PACRG: variants seen among roughly 807,000 people sequenced by gnomAD.
PACRG encodes the protein parkin coregulated, also known as parkin coregulated gene protein.
Under a neutral mutation model 29.7 loss-of-function variants are expected in PACRG, and 29 were observed. The ratio of observed to expected loss-of-function variants is 0.98; its 90% CI spans 0.73 to 1.33. The LOEUF is 1.33. Among genes scored for constraint, PACRG ranks in the 40% most tolerant of loss-of-function variants. PACRG has a pLI of 0.00. For synonymous variants in PACRG, 116 were observed against 118.7 expected (o/e 0.98, Z 0.15); for missense variants, 279 against 316.2 (o/e 0.88, Z 0.89).
intron 1 of PACRG, among the ~76,000 whole-genome samples, chr6:162,741,494 G>A (rs779896562): frequency 6.6e-6 from 1 of 152,028 alleles, no homozygotes; most frequent in Non-Finnish European, 1.5e-5. Flanking sequence ...CTCCATACAT[G>A]TTTGTGAGGA....
intron 2 of PACRG, among the ~76,000 whole-genome samples, chr6:162,969,327 TATC>T (rs1036035453): frequency 3.3e-5 from 5 of 152,098 alleles, no homozygotes; most frequent in African/African-American, 1.2e-4. Flanking sequence ...CCTTTGATGT[TATC>T]ATCTCCAAAC....
At chr6:162,890,072 G>C (rs935656389) in intron 2 of PACRG, among the ~76,000 whole-genome samples, 1 of 152,216 alleles carries the variant, frequency 6.6e-6, no homozygotes, top group South Asian at 2.1e-4. Flanking sequence ...TAAGAACTCA[G>C]GCCAGTTAAA....
chr6:163,249,900 G>T (rs539043954), intron 4 of PACRG, among the ~76,000 whole-genome samples: 1 of 152,164 alleles, frequency 6.6e-6, no homozygotes, highest in Admixed American at 6.5e-5. Flanking sequence ...GGGAAGTGAC[G>T]CCAGCTGGCC....
intron 2 of PACRG, among the ~76,000 whole-genome samples, chr6:162,980,208 A>C (rs1191430887): frequency 1.3e-5 from 2 of 151,910 alleles, no homozygotes; most frequent in African/African-American, 4.8e-5. Context: ...ACACATTTTC[A>C]GTGTAATAAT....
At chr6:163,188,609 G>A (rs1372800003) in intron 4 of PACRG, among the ~76,000 whole-genome samples, 1 of 152,196 alleles carries the variant, frequency 6.6e-6, no homozygotes, top group Non-Finnish European at 1.5e-5. Context: ...GAAAGGTGAA[G>A]ACTCTTTGAT....
At chr6:163,239,968 ATCG>A (rs1278324162) in intron 4 of PACRG, among the ~76,000 whole-genome samples, 1 of 123,806 alleles carries the variant, frequency 8.1e-6, no homozygotes, top group Non-Finnish European at 1.7e-5. Context: ...TCACACTCCC[ATCG>A]TCACATACAC....
At chr6:162,945,137 G>T (rs904564983) in intron 2 of PACRG, among the ~76,000 whole-genome samples, 5 of 152,042 alleles carry the variant, frequency 3.3e-5, no homozygotes, top group Non-Finnish European at 7.4e-5. Flanking sequence ...TTAATAAAGT[G>T]ACAGCAATAA....
chr6:163,210,004 G>A (rs745433859), intron 4 of PACRG, among the ~76,000 whole-genome samples: 21 of 152,118 alleles, frequency 1.4e-4, no homozygotes, highest in African/African-American at 3.6e-4. Context: ...CGCCTGTTGG[G>A]GGACCTCAGT....
At chr6:162,943,877 A>G (rs1443354103) in intron 2 of PACRG, among the ~76,000 whole-genome samples, 2 of 151,842 alleles carry the variant, frequency 1.3e-5, no homozygotes, top group African/African-American at 2.4e-5. Context: ...CCCAGCATGG[A>G]CCACTTGGAA....
At position 162,947,342 on chromosome 6, in the gene PACRG, A is replaced by ATCATAT. The variant is rs1388762226; in HGVS notation, c.292-114808_292-114807insTCATAT. Among the ~76,000 whole-genome samples the ATCATAT allele has an allele frequency of 9.7e-3, 129 of 13,362 alleles. 11 individuals carry two copies. The highest frequency in any genetic ancestry group is 0.011 in the African/African-American group (95 of 8,378). 8.8% of individuals were successfully genotyped at this position (13,362 alleles called of 152,430 possible). On this transcript the variant is annotated intron_variant, in intron 2 of 4. Coordinates refer to ENST00000366888, the MANE Select transcript of PACRG (RefSeq NM_001080379.2). ...ATATAATACATATAATCATATATAT[A>ATCATAT]ATGATTACATATATATAATGTAATC...
intron 2 of PACRG, among the ~76,000 whole-genome samples, chr6:162,916,611 T>C (rs528317148): frequency 1.3e-5 from 2 of 152,320 alleles, no homozygotes; most frequent in South Asian, 4.1e-4. Context: ...ACAAGCCATG[T>C]TCTATTGTGA....
chr6:162,783,619 T>C (rs1263496547), intron 1 of PACRG, among the ~76,000 whole-genome samples: 1 of 152,062 alleles, frequency 6.6e-6, no homozygotes, highest in African/African-American at 2.4e-5. Context: ...GGAAAGCATT[T>C]AATAGTTTTC....
chr6:162,981,210 G>A lies in PACRG; in HGVS notation c.292-80940G>A, dbSNP rs11963861. Among the ~76,000 whole-genome samples the A allele has an allele frequency of 3.5e-3, 533 of 151,394 alleles. 3 individuals are homozygous for A. Among genetic ancestry groups the A allele is most frequent in the African/African-American group, 0.012 (503 of 41,274 alleles). On this transcript the variant is annotated intron_variant, in intron 2 of 4. Coordinates refer to ENST00000366888, the MANE Select transcript of PACRG (RefSeq NM_001080379.2). ...TTCTATCCAGGTTGCTGCAAATGCC[G>A]TTATTTCATTCCTTTTGATGGCTGA...
At chr6:163,151,450 G>A (rs1778088652) in intron 4 of PACRG, among the ~76,000 whole-genome samples, 1 of 152,180 alleles carries the variant, frequency 6.6e-6, no homozygotes, top group Non-Finnish European at 1.5e-5. Context: ...TTTTGTTCCA[G>A]TCCTGAGAAA....
intron 2 of PACRG, among the ~76,000 whole-genome samples, chr6:162,861,974 A>T (rs1461678655): frequency 6.6e-6 from 1 of 152,104 alleles, no homozygotes; most frequent in East Asian, 1.9e-4. Context: ...GTGTCTGCTA[A>T]GGTCTCAGCA....
At chr6:163,175,605 G>A (rs1779307781) in intron 4 of PACRG, among the ~76,000 whole-genome samples, 1 of 152,014 alleles carries the variant, frequency 6.6e-6, no homozygotes, top group East Asian at 1.9e-4. Context: ...CTGCTGGGGT[G>A]CATAAGGGGG....
chr6:163,021,282 T>C (rs1336044292), intron 2 of PACRG, among the ~76,000 whole-genome samples: 6 of 152,186 alleles, frequency 3.9e-5, no homozygotes. Flanking sequence ...CCCTCTCCCA[T>C]GTTGGCCCCC....
At chr6:162,795,542 A>T (rs1377499712) in intron 1 of PACRG, among the ~76,000 whole-genome samples, 2 of 149,712 alleles carry the variant, frequency 1.3e-5, no homozygotes, top group Admixed American at 6.7e-5. Context: ...GTACACACTG[A>T]TTTTTTTTTT....
At chr6:163,019,970 A>C (rs1806459083) in intron 2 of PACRG, among the ~76,000 whole-genome samples, 2 of 152,220 alleles carry the variant, frequency 1.3e-5, no homozygotes, top group Admixed American at 6.5e-5. Flanking sequence ...CAACTAAAGC[A>C]AAGTGAAGAC....
Sources: gnomAD v4.1 joint callset for allele counts (sites outside exome capture counted in the v4.1 genomes callset) on GRCh38, gnomAD v4.1.1 for gene constraint, MANE v1.5 for transcripts, NCBI Gene and HGNC (gene_info 2026-07-23, HGNC 2026-07-21) for gene names.